ITGB5: variants seen among roughly 807,000 people sequenced by gnomAD.
ITGB5 encodes the protein integrin subunit beta 5.
In ITGB5, 38 loss-of-function variants were observed where a neutral mutation model predicts 84.8. The ratio of observed to expected loss-of-function variants is 0.45; its 90% CI spans 0.35 to 0.59. The LOEUF (loss-of-function observed/expected upper bound fraction) is 0.59. Among genes scored for constraint, ITGB5 ranks in the 20% least tolerant of loss-of-function variants. ITGB5 has a pLI of 0.01. For missense variants in ITGB5, 905 were observed against 1,034.5 expected (o/e 0.87, Z 1.72); for synonymous variants, 393 against 414.4 (o/e 0.95, Z 0.63).
chr3:124,794,700 T>C (rs1444090909), intron 10 of ITGB5, among the ~76,000 whole-genome samples: 1 of 151,456 alleles, frequency 6.6e-6, no homozygotes, highest in Non-Finnish European at 1.5e-5. Flanking sequence ...GAGAATCACT[T>C]GAACCCAGGA....
intron 5 of ITGB5, among the ~76,000 whole-genome samples, chr3:124,831,396 G>A (rs924293712): frequency 6.6e-5 from 10 of 152,156 alleles, no homozygotes; most frequent in Middle Eastern, 3.2e-3. Flanking sequence ...TTAAGCCTGG[G>A]GATCCCCAGG....
At chr3:124,776,602 C>A (rs1419182950) in intron 10 of ITGB5, among the ~76,000 whole-genome samples, 2 of 152,174 alleles carry the variant, frequency 1.3e-5, no homozygotes, top group Non-Finnish European at 2.9e-5. Flanking sequence ...AGATGCATTA[C>A]AAAGTGAGTT....
intron 9 of ITGB5, among the ~76,000 whole-genome samples, chr3:124,807,773 G>T (rs1336074027): frequency 6.6e-6 from 1 of 151,146 alleles, no homozygotes; most frequent in Admixed American, 6.6e-5. Flanking sequence ...GTGAAACCCC[G>T]TCTCTACTAA....
chr3:124,827,224 G>C (rs774888468), intron 5 of ITGB5, among the ~76,000 whole-genome samples: 4 of 152,162 alleles, frequency 2.6e-5, no homozygotes, highest in Non-Finnish European at 5.9e-5. Context: ...CTAACTGTGG[G>C]CCCCTCAGTC....
chr3:124,769,266 C>T lies in ITGB5; in HGVS notation c.1917-153G>A, dbSNP rs998381748. 63 of 617,594 alleles carry T rather than the reference C, an allele frequency of 1.0e-4. 1 individual carries two copies. In the Admixed American group the frequency reaches 1.8e-3, roughly 18 times the overall value. 38.3% of individuals were successfully genotyped at this position (617,594 alleles called of 1,614,324 possible). On this transcript the variant is annotated intron_variant, in intron 11 of 14. Transcript: ENST00000296181. Reference sequence around the variant, plus strand: ...CAGGGAATGTTTCTGCTCTGCCTTTCTTCTTGTTATGGGAGGAAGCCCAAG... The same window carrying T: ...CAGGGAATGTTTCTGCTCTGCCTTTTTTCTTGTTATGGGAGGAAGCCCAAG...
rs550159534 is a variant in ITGB5, at chr3:124,798,849, G to A, written c.1264-2032C>T. On this transcript the variant is annotated intron_variant, in intron 9 of 14. Coordinates refer to ENST00000296181, the MANE Select transcript of ITGB5 (RefSeq NM_002213.5). ...CAGATGCTGTGACATCTAGGGACAC[G>A]GGGAGAGGGGAGAGGGTATGGGACT... is the stretch of plus-strand genomic sequence containing the variant. Among the ~76,000 whole-genome samples, 6 of 152,360 alleles carry A rather than the reference G, an allele frequency of 3.9e-5. No individual in the cohort carries two copies. The East Asian group carries it at 9.6e-4, about 24-fold the overall frequency.
At chr3:124,834,354 T>C (rs2064898393) in intron 5 of ITGB5, among the ~76,000 whole-genome samples, 1 of 151,406 alleles carries the variant, frequency 6.6e-6, no homozygotes, top group South Asian at 2.1e-4. Flanking sequence ...ATTCTTTATT[T>C]TCTATTCATT....
At chr3:124,896,103 G>A (rs923849641) in intron 1 of ITGB5, among the ~76,000 whole-genome samples, 7 of 152,190 alleles carry the variant, frequency 4.6e-5, no homozygotes, top group Admixed American at 4.6e-4. Context: ...CTGTTTGAAC[G>A]TGTTCTTTAT....
In ITGB5 at chr3:124,762,786, C is replaced by T. The variant is rs2063712591; in HGVS notation, c.*837G>A. 6.6e-6 allele frequency: 1 copy of T among 152,286 alleles called. No homozygotes were observed. The highest frequency in any genetic ancestry group is 1.5e-5 in the Non-Finnish European group (1 of 68,114). 9.4% of individuals were successfully genotyped at this position (152,286 alleles called of 1,614,324 possible). On this transcript the variant is annotated 3_prime_UTR_variant, in exon 15 of 15. Coordinates refer to ENST00000296181, the MANE Select transcript of ITGB5 (RefSeq NM_002213.5). ...GGTATCTGCTCAGTGTTCCCCCTTG[C>T]ACAGCCCTCACTGCCCCGAGCACCT...
At chr3:124,861,491 T>TACACACACAC (rs1168034132) in intron 2 of ITGB5, among the ~76,000 whole-genome samples, 32 of 76,336 alleles carry the variant, frequency 4.2e-4, no homozygotes, top group East Asian at 1.1e-3. Context: ...CATATATATA[T>TACACACACAC]ATATACACAC....
chr3:124,803,165 C>T (rs2064341855), intron 9 of ITGB5, among the ~76,000 whole-genome samples: 1 of 152,162 alleles, frequency 6.6e-6, no homozygotes, highest in African/African-American at 2.4e-5. Context: ...ACAATTTCCC[C>T]ATTTTTCTGA....
At chr3:124,828,825 G>C (rs140881131) in intron 5 of ITGB5, among the ~76,000 whole-genome samples, 1 of 152,286 alleles carries the variant, frequency 6.6e-6, no homozygotes, top group South Asian at 2.1e-4. Context: ...ACAGAATTTA[G>C]GTGCATGGGC....
chr3:124,807,546 T>A (rs1051562043), intron 9 of ITGB5, among the ~76,000 whole-genome samples: 3 of 152,228 alleles, frequency 2.0e-5, no homozygotes, highest in Non-Finnish European at 4.4e-5. Context: ...AAGGCCTTGG[T>A]AGCCAGTCAT....
intron 10 of ITGB5, among the ~76,000 whole-genome samples, chr3:124,785,184 A>G (rs1034915991): frequency 2.0e-5 from 3 of 152,184 alleles, no homozygotes; most frequent in Non-Finnish European, 2.9e-5. Context: ...GTAGCCTCCC[A>G]CAAGGGCAGG....
chr3:124,838,435 A>G (rs2107589239), intron 5 of ITGB5, among the ~76,000 whole-genome samples: 1 of 152,258 alleles, frequency 6.6e-6, no homozygotes, highest in African/African-American at 2.4e-5. Flanking sequence ...CCTGCTTCCC[A>G]TGCCAATCTT....
chr3:124,773,406 A>T (rs954124282), intron 11 of ITGB5, among the ~76,000 whole-genome samples: 3 of 152,244 alleles, frequency 2.0e-5, no homozygotes, highest in Admixed American at 2.0e-4. Flanking sequence ...ATTTAATTTC[A>T]TTTAACTCTG....
intron 3 of ITGB5, among the ~76,000 whole-genome samples, chr3:124,850,039 C>T (rs1304465207): frequency 5.9e-5 from 9 of 152,036 alleles, no homozygotes; most frequent in Non-Finnish European, 1.2e-4. Context: ...TCCTGCCCAG[C>T]GGGTCTACAC....
intron 3 of ITGB5, among the ~76,000 whole-genome samples, chr3:124,857,975 A>C (rs1375639646): frequency 6.6e-6 from 1 of 151,934 alleles, no homozygotes; most frequent in Non-Finnish European, 1.5e-5. Flanking sequence ...CTCTACTAAA[A>C]ACACACACAC....
At chr3:124,844,620 C>T (rs951606899) in intron 4 of ITGB5, among the ~76,000 whole-genome samples, 9 of 152,114 alleles carry the variant, frequency 5.9e-5, no homozygotes, top group African/African-American at 2.2e-4. Context: ...ATGGGTCAGG[C>T]CTTGACTGAG....
Sources: gnomAD v4.1 joint callset for allele counts (sites outside exome capture counted in the v4.1 genomes callset) on GRCh38, gnomAD v4.1.1 for gene constraint, MANE v1.5 for transcripts, NCBI Gene and HGNC (gene_info 2026-07-23, HGNC 2026-07-21) for gene names.